BNC2: variants seen among roughly 807,000 people sequenced by gnomAD.
The protein encoded by BNC2 is zinc finger protein basonuclin-2.
A neutral mutation model predicts 76.3 loss-of-function variants in BNC2; 20 were observed. The ratio of observed to expected loss-of-function variants is 0.26; its 90% CI spans 0.18 to 0.38. The LOEUF (loss-of-function observed/expected upper bound fraction) is 0.38. BNC2 is among the 10% of genes least tolerant of loss of function. The pLI, the probability that BNC2 is intolerant of heterozygous loss-of-function variation, is 1.00. For synonymous variants in BNC2, 582 were observed against 514.8 expected (o/e 1.13, Z -1.77); for missense variants, 1,382 against 1,399.8 (o/e 0.99, Z 0.20).
At position 16,552,642 on chromosome 9, in the gene BNC2, A is replaced by G; in HGVS notation, c.557T>C (p.Leu186Pro). ...LYGTQAVPVR[L>P]KILLDRLFSV... is the part of the protein sequence containing the mutation. ...GAAGAGACGGTCCAGCAGGATCTTT[A>G]GCCGCACAGGCACTGCTTGTGTCCC... The change falls in exon 5 of 7, where the codon CTA becomes CCA. Residue 186 changes from leucine to proline, a missense_variant. By Grantham distance (98) the Leu-to-Pro change is moderately conservative. Transcript: ENST00000380672. The G allele has an allele frequency of 7.4e-6, 12 of 1,614,212 alleles. No individual in the cohort carries two copies. Among genetic ancestry groups the G allele is most frequent in the Non-Finnish European group, 1.0e-5 (12 of 1,180,034 alleles).
At chr9:16,671,671 C>G (rs542794099) in intron 3 of BNC2, among the ~76,000 whole-genome samples, 2 of 152,312 alleles carry the variant, frequency 1.3e-5, no homozygotes, top group Non-Finnish European at 2.9e-5. Context: ...ATTTGAGAAG[C>G]AGGCTCTGGT....
intron 5 of BNC2, among the ~76,000 whole-genome samples, chr9:16,474,404 A>G (rs1256165370): frequency 6.6e-6 from 1 of 152,188 alleles, no homozygotes; most frequent in African/African-American, 2.4e-5. Flanking sequence ...AGGGCTATTT[A>G]GAAGGCTGAG....
intron 1 of BNC2, among the ~76,000 whole-genome samples, chr9:16,776,225 T>C (rs1825964474): frequency 1.3e-5 from 2 of 152,026 alleles, no homozygotes; most frequent in African/African-American, 4.8e-5. Context: ...ACTGCAACCT[T>C]CGCCTCCTGG....
chr9:16,506,178 T>A (rs191659672), intron 5 of BNC2, among the ~76,000 whole-genome samples: 169 of 152,052 alleles, frequency 1.1e-3, no homozygotes, highest in African/African-American at 3.5e-3. Flanking sequence ...AAGTGTAGGT[T>A]AAAAAAAATA....
intron 3 of BNC2, among the ~76,000 whole-genome samples, chr9:16,672,584 G>T (rs144843849): frequency 1.3e-5 from 2 of 152,086 alleles, no homozygotes; most frequent in African/African-American, 4.8e-5. Flanking sequence ...TCATAATTAC[G>T]ATTTTATCGT....
intron 1 of BNC2, among the ~76,000 whole-genome samples, chr9:16,751,393 C>T (rs1303575341): frequency 6.6e-6 from 1 of 151,782 alleles, no homozygotes; most frequent in African/African-American, 2.4e-5. Context: ...AAGGAAAACA[C>T]AGTATCACAT....
At chr9:16,575,487 T>C in intron 4 of BNC2, 1 of 974,026 alleles carries the variant, frequency 1.0e-6, no homozygotes, top group Non-Finnish European at 1.2e-6. Context: ...TTGCGCTGGG[T>C]TTAAAGAAAA....
chr9:16,663,834 C>T (rs1303529548), intron 3 of BNC2, among the ~76,000 whole-genome samples: 1 of 152,114 alleles, frequency 6.6e-6, no homozygotes, highest in East Asian at 1.9e-4. Context: ...ACAGATTTTT[C>T]CAAATAAATT....
chr9:16,778,382 A>G (rs549111246), intron 1 of BNC2, among the ~76,000 whole-genome samples: 21 of 152,326 alleles, frequency 1.4e-4, no homozygotes, highest in African/African-American at 5.1e-4. Flanking sequence ...CAAAGACACA[A>G]ACTTTGGAAG....
chr9:16,453,948 C>T (rs779794704), intron 5 of BNC2, among the ~76,000 whole-genome samples: 1 of 152,212 alleles, frequency 6.6e-6, no homozygotes, highest in Non-Finnish European at 1.5e-5. Flanking sequence ...TGACACTGCA[C>T]CAGAACTAGA....
intron 1 of BNC2, among the ~76,000 whole-genome samples, chr9:16,869,404 C>G (rs1819620457): frequency 7.2e-6 from 1 of 138,880 alleles, no homozygotes. Flanking sequence ...CAGTCCTGGG[C>G]TCTTGCTTTT....
intron 5 of BNC2, among the ~76,000 whole-genome samples, chr9:16,548,671 C>T (rs1818564453): frequency 1.3e-5 from 2 of 152,300 alleles, no homozygotes; most frequent in Non-Finnish European, 2.9e-5. Flanking sequence ...TCCGAAAGTG[C>T]TGGGATTACA....
At chr9:16,803,844 C>A (rs1391216513) in intron 1 of BNC2, among the ~76,000 whole-genome samples, 1 of 152,232 alleles carries the variant, frequency 6.6e-6, no homozygotes, top group Admixed American at 6.5e-5. Context: ...TATCAGCACT[C>A]TAAGGAGTGC....
chr9:16,780,072 T>C (rs1586877749), intron 1 of BNC2, among the ~76,000 whole-genome samples: 2 of 149,930 alleles, frequency 1.3e-5, no homozygotes, highest in Non-Finnish European at 3.0e-5. Flanking sequence ...CCATCTCTAC[T>C]AAAAATACAA....
rs1213828334 is a variant in BNC2 at position 16,410,111 on chromosome 9, C to T, written c.*8878G>A. 6.6e-6 allele frequency: 1 copy of T among 152,102 alleles called. No individual in the cohort carries two copies. The highest frequency in any genetic ancestry group is 1.5e-5 in the Non-Finnish European group (1 of 68,032). 9.4% of individuals were successfully genotyped at this position (152,102 alleles called of 1,614,324 possible). On this transcript the variant is annotated 3_prime_UTR_variant, in exon 7 of 7. Coordinates refer to ENST00000380672, the MANE Select transcript of BNC2 (RefSeq NM_017637.6). Reference sequence around the variant, plus strand: ...TGGAGTAAGAAAGGTGTGTGTTCTCCCAGCTGTGTGAGGGATCTTGCTAGT... The same window carrying T: ...TGGAGTAAGAAAGGTGTGTGTTCTCTCAGCTGTGTGAGGGATCTTGCTAGT...
At chr9:16,760,635 C>A (rs898949661) in intron 1 of BNC2, among the ~76,000 whole-genome samples, 2 of 152,192 alleles carry the variant, frequency 1.3e-5, no homozygotes, top group African/African-American at 4.8e-5. Context: ...AACACCTCCA[C>A]TGGTTCTAAG....
intron 1 of BNC2, among the ~76,000 whole-genome samples, chr9:16,750,719 T>C (rs1180829596): frequency 1.3e-5 from 2 of 152,266 alleles, no homozygotes; most frequent in South Asian, 2.1e-4. Flanking sequence ...TTTTCAACTC[T>C]TTGTTAATGA....
At chr9:16,684,401 T>A (rs905222999) in intron 3 of BNC2, among the ~76,000 whole-genome samples, 1 of 152,084 alleles carries the variant, frequency 6.6e-6, no homozygotes, top group African/African-American at 2.4e-5. Context: ...ACCCAGACAG[T>A]ACCAGTTTGG....
rs543908686 is a variant in BNC2, at chr9:16,584,386, A to G, written c.331-1301T>C. On this transcript the variant is annotated intron_variant, in intron 3 of 6. Coordinates refer to ENST00000380672, the MANE Select transcript of BNC2 (RefSeq NM_017637.6). ...ATTCCATTCACAGAGAATAAGACTG[A>G]GCAGGCTTTTACCATTCCCTATGCT... Among the ~76,000 whole-genome samples the G allele has an allele frequency of 3.9e-5, 6 of 152,324 alleles. No homozygotes were observed. The East Asian group carries it at 1.2e-3, about 29-fold the overall frequency.
Sources: allele counts gnomAD v4.1 joint callset (sites outside exome capture counted in the v4.1 genomes callset), GRCh38; gene constraint gnomAD v4.1.1; transcripts MANE v1.5; gene names NCBI Gene and HGNC (gene_info 2026-07-23, HGNC 2026-07-21).